RASGRF1: variants seen among roughly 807,000 people sequenced by gnomAD.
RASGRF1 encodes the protein ras-specific guanine nucleotide-releasing factor 1.
RASGRF1 carries 40 observed loss-of-function variants against 138.7 expected under a neutral mutation model. The ratio of observed to expected loss-of-function variants is 0.29; its 90% CI spans 0.22 to 0.38. The LOEUF (loss-of-function observed/expected upper bound fraction) is 0.38, where lower values mean the gene tolerates loss of function less well. RASGRF1 is among the 10% of genes least tolerant of loss of function. The pLI is 1.00. For missense variants in RASGRF1, 1,108 were observed against 1,650.4 expected (o/e 0.67, Z 5.69); for synonymous variants, 614 against 663.2 (o/e 0.93, Z 1.14).
At chr15:78,978,216 T>TTTTC (rs2055917194) in intron 24 of RASGRF1, among the ~76,000 whole-genome samples, 1 of 62,232 alleles carries the variant, frequency 1.6e-5, no homozygotes, top group African/African-American at 6.0e-5. Flanking sequence ...TTTTCTTTTC[T>TTTTC]TTTGTTTTTT....
At chr15:79,053,585 TA>T (rs768040191) in intron 3 of RASGRF1, among the ~76,000 whole-genome samples, 105 of 152,316 alleles carry the variant, frequency 6.9e-4, no homozygotes, top group Admixed American at 2.0e-3. Context: ...GGCTTTCTGG[TA>T]ATGAAAGAGA....
rs2057033918 is a variant in RASGRF1 at position 79,025,478 on chromosome 15, T to C, written c.1382-4A>G. The C allele has an allele frequency of 6.2e-7, 1 of 1,611,174 alleles. No homozygotes were observed. The highest frequency in any genetic ancestry group is 1.3e-5 in the African/African-American group (1 of 74,814). On this transcript the variant is annotated splice_polypyrimidine_tract_variant and splice_region_variant and intron_variant, in intron 9 of 26. Coordinates refer to ENST00000558480, the MANE Select transcript of RASGRF1 (RefSeq NM_001145648.3). ...ATGGGCACCTGAATGAGGGAACCTG[T>C]GGGTGGAGGAGAGAGACCCTGAGCC...
intron 22 of RASGRF1, among the ~76,000 whole-genome samples, chr15:78,989,071 G>T (rs905840532): frequency 6.6e-6 from 1 of 152,124 alleles, no homozygotes; most frequent in Non-Finnish European, 1.5e-5. Context: ...CCGGTTAGGG[G>T]GCAGTGGATA....
Position 78,960,940 on chromosome 15 carries a change from G to A in RASGRF1, c.*1204C>T, listed in dbSNP as rs2055535626. ...AGATAGAATAGATTTATTAGCAAGA[G>A]GTAATCAGGAAACATATATTTTTAC... On this transcript the variant is annotated 3_prime_UTR_variant, in exon 27 of 27. Transcript: ENST00000558480. 6.6e-6 allele frequency: 1 copy of A among 152,096 alleles called. No individual in the cohort carries two copies. 9.4% of individuals were successfully genotyped at this position (152,096 alleles called of 1,614,324 possible).
At chr15:79,002,248 G>A (rs759222560) in intron 15 of RASGRF1, among the ~76,000 whole-genome samples, 5 of 151,886 alleles carry the variant, frequency 3.3e-5, no homozygotes, top group East Asian at 1.9e-4. Context: ...CTATTGCCGC[G>A]TGCCCCTGGT....
chr15:79,001,839 T>A, intron 15 of RASGRF1, 52 bp from the exon 16 acceptor site: 1 of 1,206,520 alleles, frequency 8.3e-7, no homozygotes, highest in Non-Finnish European at 1.1e-6. Flanking sequence ...AATTTTAAAA[T>A]TTAAATATTT....
chr15:78,964,192 G>C (rs2055599734), intron 26 of RASGRF1, among the ~76,000 whole-genome samples: 1 of 147,716 alleles, frequency 6.8e-6, no homozygotes, highest in Non-Finnish European at 1.5e-5. Flanking sequence ...TTTTTTTTTT[G>C]AGGGGGAATT....
rs564814650 is a variant in RASGRF1 at position 79,056,577 on chromosome 15, T to C, written c.531+1757A>G. ...GTGAGCTTGGGCAAGTGACTTGGGC[T>C]CTCTGAGTCTGGTTTCTCCTGTGAA... On this transcript the variant is annotated intron_variant, in intron 3 of 26. Coordinates refer to ENST00000558480, the MANE Select transcript of RASGRF1 (RefSeq NM_001145648.3). 2.0e-5 allele frequency among the ~76,000 whole-genome samples: 3 copies of C among 152,248 alleles called. No individual in the cohort carries two copies. The East Asian group carries it at 5.8e-4, about 29-fold the overall frequency.
At position 79,006,691 on chromosome 15, in the gene RASGRF1, C is replaced by A. The variant is rs950782919; in HGVS notation, c.1827-257G>T. Among the ~76,000 whole-genome samples the A allele has an allele frequency of 1.3e-5, 2 of 152,248 alleles. No homozygotes were observed. The highest frequency in any genetic ancestry group is 2.9e-5 in the Non-Finnish European group (2 of 68,046). Reference sequence around the variant, plus strand: ...TTAAAAACATTTGTTGTTGAGTTCACAAGACGTAAGGAACTCTGTTTACAC... The same window carrying A: ...TTAAAAACATTTGTTGTTGAGTTCAAAAGACGTAAGGAACTCTGTTTACAC... On this transcript the variant is annotated intron_variant, in intron 13 of 26. Coordinates refer to ENST00000558480, the MANE Select transcript of RASGRF1 (RefSeq NM_001145648.3). The surrounding 1 kb of genome is among the most constrained non-coding windows in gnomAD (Gnocchi z 4.0).
At chr15:78,977,040 C>G (rs955757937) in intron 24 of RASGRF1, among the ~76,000 whole-genome samples, 3 of 152,244 alleles carry the variant, frequency 2.0e-5, no homozygotes, top group Admixed American at 6.5e-5. Flanking sequence ...CTGGATGTTT[C>G]TTTCCACCAA....
intron 26 of RASGRF1, among the ~76,000 whole-genome samples, chr15:78,963,816 G>T (rs7183668): frequency 0.65 from 99,184 of 152,006 alleles, 35,528 homozygotes; most frequent in Non-Finnish European, 0.82. Flanking sequence ...ATCACAGTCT[G>T]GTTTAACCTA....
intron 26 of RASGRF1, among the ~76,000 whole-genome samples, chr15:78,963,534 T>G (rs945430294): frequency 6.6e-6 from 1 of 152,152 alleles, no homozygotes; most frequent in Non-Finnish European, 1.5e-5. Context: ...ATTCCTGGCC[T>G]CAAGTGATCC....
chr15:79,012,566 G>T (rs1345299941), intron 13 of RASGRF1: 1 of 1,612,910 alleles, frequency 6.2e-7, no homozygotes, highest in Non-Finnish European at 8.5e-7. Flanking sequence ...TAAGCAGATG[G>T]GTCCTTGAAG....
intron 5 of RASGRF1, among the ~76,000 whole-genome samples, chr15:79,040,109 CT>C (rs879501060): frequency 6.0e-4 from 91 of 151,406 alleles, no homozygotes; most frequent in Non-Finnish European, 1.1e-3. Context: ...GTTTTTAGGA[CT>C]TTTTTTTTAT....
rs145671245 is a variant in RASGRF1, at chr15:79,020,072, T to C, written c.1575A>G (p.Leu525=). Residue 525 remains leucine, a synonymous_variant, in exon 11 of 27, where the codon TTA becomes TTG. Coordinates refer to ENST00000558480, the MANE Select transcript of RASGRF1 (RefSeq NM_001145648.3). ...NGVISLIDCT[L]LEEPESTEEE... is the part of the protein sequence containing the mutation. ...CCTCCGTGCTTTCTGGCTCCTCCAA[T>C]AAAGTGCAGTCAATGAGGGATATGA... 6.2e-7 allele frequency: 1 copy of C among 1,614,110 alleles called. No homozygotes were observed. The highest frequency in any genetic ancestry group is 1.3e-5 in the African/African-American group (1 of 75,066).
At chr15:79,072,790 A>G (rs2057779773) in intron 1 of RASGRF1, among the ~76,000 whole-genome samples, 1 of 152,134 alleles carries the variant, frequency 6.6e-6, no homozygotes, top group South Asian at 2.1e-4. Flanking sequence ...GCAGAGTAAA[A>G]ACCAGACTCA....
In RASGRF1 at chr15:78,998,733, A is replaced by G. The variant is rs758218681; in HGVS notation, c.2839T>C (p.Ser947Pro). 1.2e-6 allele frequency: 2 copies of G among 1,613,782 alleles called. No homozygotes were observed. Residue 947 changes from serine (S) to proline (P), a missense_variant, in exon 18 of 27, where the codon TCC becomes CCC. Ser to Pro is a moderately conservative substitution (Grantham distance 74). Around this residue, in one of 3 missense-constraint regions of RASGRF1, gnomAD observed 686 missense variants for 976.7 expected, o/e 0.70. Coordinates refer to ENST00000558480, the MANE Select transcript of RASGRF1 (RefSeq NM_001145648.3). ...CTCCCACCCACCTGAGAGTGCTTGGACACCCAGTGGCGGAGCACGTTCAAG... is the reference window on the plus strand; with the variant it reads ...CTCCCACCCACCTGAGAGTGCTTGGGCACCCAGTGGCGGAGCACGTTCAAG... ...RVLNVLRHWV[S>P]KHSQDFETND...
At position 79,040,248 on chromosome 15, in the gene RASGRF1, C is replaced by T. The variant is rs949270589; in HGVS notation, c.879-5038G>A. Among the ~76,000 whole-genome samples, 5 of 152,190 alleles carry T rather than the reference C, an allele frequency of 3.3e-5. No individual in the cohort carries two copies. The South Asian group carries it at 1.0e-3, about 32-fold the overall frequency. On this transcript the variant is annotated intron_variant, in intron 5 of 26. Transcript: ENST00000558480. ...ACCTATCACCCCCTCCCCCCTTCATCCCTATATCTACTCCATCAAAGTTGC... is the reference window on the plus strand; with the variant it reads ...ACCTATCACCCCCTCCCCCCTTCATTCCTATATCTACTCCATCAAAGTTGC...
chr15:79,057,163 G>C (rs143030176), intron 3 of RASGRF1, among the ~76,000 whole-genome samples: 2,014 of 152,284 alleles, frequency 0.013, 18 homozygotes, highest in Non-Finnish European at 0.021. Context: ...CTGGGCATAG[G>C]TGCAGGCTGG....
Sources: gnomAD v4.1 joint callset for allele counts (sites outside exome capture counted in the v4.1 genomes callset) on GRCh38, gnomAD v4.1.1 for gene constraint, gnomAD v4.1.1 regional missense constraint, Gnocchi (gnomAD v3.1) non-coding constraint, MANE v1.5 for transcripts, NCBI Gene and HGNC (gene_info 2026-07-23, HGNC 2026-07-21) for gene names.